Variants in CRPPA observed in about 807,000 individuals in gnomAD.
The protein encoded by CRPPA is D-ribitol-5-phosphate cytidylyltransferase.
A neutral mutation model predicts 52.0 loss-of-function variants in CRPPA; 43 were observed. The observed-to-expected ratio is 0.83, with a 90% CI of 0.65 to 1.07. CRPPA has a LOEUF of 1.07. Among genes scored for constraint, CRPPA ranks in the 50% least tolerant of loss-of-function variants. The probability of loss-of-function intolerance (pLI) is 0.00; values close to 1 mark genes in which losing one functional copy is unlikely to be tolerated. For missense variants in CRPPA, 629 were observed against 551.7 expected, an observed-to-expected ratio of 1.14 and a Z score of -1.40; for synonymous variants, 250 against 203.5, an observed-to-expected ratio of 1.23 and a Z score of -1.94.
At position 16,278,066 on chromosome 7, in the gene CRPPA, A is replaced by T. The variant is rs981457061; in HGVS notation, c.933+63T>A. ...TTATGGGTTTTTTTCCAAGAAAGAT[A>T]TCTTTATACTATAAAAGTTTTTGGC... is the stretch of plus-strand genomic sequence containing the variant. On this transcript the variant is annotated intron_variant, in intron 6 of 9. Coordinates refer to ENST00000407010, the MANE Select transcript of CRPPA (RefSeq NM_001101426.4). 5.0e-6 allele frequency: 4 copies of T among 806,516 alleles called. No homozygotes were observed. In the African/African-American group the frequency reaches 7.0e-5, roughly 14 times the overall value. 50.0% of individuals were successfully genotyped at this position (806,516 alleles called of 1,614,324 possible).
chr7:16,395,222 A>G (rs1460617641), intron 2 of CRPPA, among the ~76,000 whole-genome samples: 2 of 152,146 alleles, frequency 1.3e-5, no homozygotes. Context: ...ATCTATCACC[A>G]TATTTCCACA....
intron 9 of CRPPA, among the ~76,000 whole-genome samples, chr7:16,171,347 C>G (rs1191507318): frequency 1.3e-5 from 2 of 152,134 alleles, no homozygotes; most frequent in East Asian, 3.9e-4. Context: ...TACTACTTCT[C>G]TTTCTTTTCA....
At chr7:16,385,918 T>C (rs1304862119) in intron 2 of CRPPA, among the ~76,000 whole-genome samples, 1 of 152,094 alleles carries the variant, frequency 6.6e-6, no homozygotes, top group Non-Finnish European at 1.5e-5. Context: ...AGCCGCACAG[T>C]AGCGTCTAGG....
chr7:16,144,557 G>A (rs925598867), intron 9 of CRPPA, among the ~76,000 whole-genome samples: 2 of 152,218 alleles, frequency 1.3e-5, no homozygotes, highest in Non-Finnish European at 2.9e-5. Flanking sequence ...TAGGGCGTAG[G>A]TACAATGGAA....
chr7:16,227,422 G>C (rs1782680546), intron 8 of CRPPA, among the ~76,000 whole-genome samples: 1 of 151,762 alleles, frequency 6.6e-6, no homozygotes, highest in Admixed American at 6.6e-5. Context: ...TTTCATAACA[G>C]CCATTCTAAT....
At chr7:16,416,355 C>G (rs189953681) in intron 1 of CRPPA, among the ~76,000 whole-genome samples, 86 of 152,206 alleles carry the variant, frequency 5.7e-4, no homozygotes, top group African/African-American at 2.0e-3. Context: ...TCTCACCATA[C>G]ACAAAAATTA....
At chr7:16,253,961 T>C (rs1453558842) in intron 8 of CRPPA, among the ~76,000 whole-genome samples, 3 of 152,124 alleles carry the variant, frequency 2.0e-5, no homozygotes, top group African/African-American at 7.2e-5. Context: ...AGAAGATATT[T>C]ATGCAGCCAA....
rs1787951770 is a variant in CRPPA at position 16,406,253 on chromosome 7, A to G, written c.342T>C (p.His114=). The stretch of plus-strand genomic sequence containing the variant: ...CAGCTTCGACCAGTGAGATGCGTTT[A>G]TGCTGATACTTCTGAATAATACTTT... ...VMKSIIQKYQ[H]KRISLVEAGV... is the part of the protein sequence containing the mutation. The change falls in exon 2 of 10, where the codon CAT becomes CAC. Residue 114 remains histidine, a synonymous_variant. Coordinates refer to ENST00000407010, the MANE Select transcript of CRPPA (RefSeq NM_001101426.4). 6.2e-7 allele frequency: 1 copy of G among 1,613,868 alleles called. No homozygotes were observed. The highest frequency in any genetic ancestry group is 8.5e-7 in the Non-Finnish European group (1 of 1,179,896).
At chr7:16,199,643 T>G (rs1284738975) in intron 9 of CRPPA, among the ~76,000 whole-genome samples, 2 of 137,884 alleles carry the variant, frequency 1.5e-5, no homozygotes, top group South Asian at 5.0e-4. Flanking sequence ...CCTGTGCATA[T>G]GCTCAAACCA....
At chr7:16,313,799 T>A (rs1785087578) in intron 3 of CRPPA, among the ~76,000 whole-genome samples, 1 of 152,006 alleles carries the variant, frequency 6.6e-6, no homozygotes, top group South Asian at 2.1e-4. Context: ...AGTCTACAAG[T>A]ATTTTTGGAT....
intron 4 of CRPPA, among the ~76,000 whole-genome samples, chr7:16,305,373 G>A (rs541742639): frequency 8.5e-5 from 13 of 152,244 alleles, no homozygotes; most frequent in East Asian, 3.9e-4. Context: ...TCCAGAGCAC[G>A]ACAGGACTTT....
chr7:16,221,231 T>A (rs1188132214), intron 8 of CRPPA, among the ~76,000 whole-genome samples: 1 of 152,194 alleles, frequency 6.6e-6, no homozygotes, highest in Non-Finnish European at 1.5e-5. Context: ...CTGGGAAAAC[T>A]GGCTAGCCAT....
intron 8 of CRPPA, among the ~76,000 whole-genome samples, chr7:16,243,134 T>C (rs1783171866): frequency 6.6e-6 from 1 of 152,146 alleles, no homozygotes; most frequent in South Asian, 2.1e-4. Context: ...GTTTCCCCCA[T>C]GCTGTTCTCG....
chr7:16,322,657 A>T (rs528801884), intron 3 of CRPPA, among the ~76,000 whole-genome samples: 1 of 152,174 alleles, frequency 6.6e-6, no homozygotes, highest in Non-Finnish European at 1.5e-5. Context: ...GCAGGATTTC[A>T]AAATTTCTAC....
Position 16,173,794 on chromosome 7 carries a change from G to A in CRPPA, c.1251+42272C>T, listed in dbSNP as rs1425944180. On this transcript the variant is annotated intron_variant, in intron 9 of 9. Coordinates refer to ENST00000407010, the MANE Select transcript of CRPPA (RefSeq NM_001101426.4). ...CAGAGAATAGATTGAGATATACCAC[G>A]CCACTGAATAGAATATTAACAGCCA... Among the ~76,000 whole-genome samples, 12 of 152,180 alleles carry A rather than the reference G, an allele frequency of 7.9e-5. No individual in the cohort carries two copies. The East Asian group carries it at 9.6e-4, about 12-fold the overall frequency.
chr7:16,279,947 A>G (rs1784286916), intron 5 of CRPPA, among the ~76,000 whole-genome samples: 1 of 152,226 alleles, frequency 6.6e-6, no homozygotes, highest in Non-Finnish European at 1.5e-5. Context: ...CAATCATGGC[A>G]GAAGGTGAAA....
intron 3 of CRPPA, among the ~76,000 whole-genome samples, chr7:16,358,725 T>C (rs1443200464): frequency 6.6e-6 from 1 of 152,216 alleles, no homozygotes; most frequent in African/African-American, 2.4e-5. Flanking sequence ...TTCAACAGTA[T>C]AAATTCCACT....
intron 5 of CRPPA, among the ~76,000 whole-genome samples, chr7:16,285,175 C>G (rs1378469251): frequency 2.0e-5 from 3 of 152,036 alleles, no homozygotes; most frequent in Non-Finnish European, 2.9e-5. Flanking sequence ...TAAAGCACTT[C>G]CTAGAAAATT....
chr7:16,135,905 G>C (rs1782754232), intron 9 of CRPPA, among the ~76,000 whole-genome samples: 1 of 152,116 alleles, frequency 6.6e-6, no homozygotes, highest in African/African-American at 2.4e-5. Flanking sequence ...AATTCTTACA[G>C]TGTCCTTTAT....
Sources: allele counts gnomAD v4.1 joint callset (sites outside exome capture counted in the v4.1 genomes callset), GRCh38; gene constraint gnomAD v4.1.1; transcripts MANE v1.5; gene names NCBI Gene and HGNC (gene_info 2026-07-23, HGNC 2026-07-21).